PXYLP1: variants seen among roughly 807,000 people sequenced by gnomAD.
PXYLP1 encodes the protein 2-phosphoxylose phosphatase 1.
In PXYLP1, 17 loss-of-function variants were observed where a neutral mutation model predicts 37.9. That is an observed-to-expected ratio of 0.45 (90% confidence interval 0.31 to 0.67). The LOEUF is 0.67. Among genes scored for constraint, PXYLP1 ranks in the 30% least tolerant of loss-of-function variants. PXYLP1 has a pLI of 0.07. For missense variants in PXYLP1, 511 were observed against 612.0 expected, an observed-to-expected ratio of 0.84 and a Z score of 1.74; for synonymous variants, 221 against 232.2, an observed-to-expected ratio of 0.95 and a Z score of 0.44.
chr3:141,288,309 AG>A (rs1444174932), intron 5 of PXYLP1, among the ~76,000 whole-genome samples: 5 of 152,218 alleles, frequency 3.3e-5, no homozygotes, highest in African/African-American at 1.2e-4. Context: ...ATCTTGCATC[AG>A]CATCTTAGGA....
chr3:141,283,263 T>C (rs1252657069), intron 4 of PXYLP1, among the ~76,000 whole-genome samples: 1 of 152,028 alleles, frequency 6.6e-6, no homozygotes, highest in African/African-American at 2.4e-5. Flanking sequence ...ATTACAGGTG[T>C]GAGCCACCCT....
At chr3:141,255,413 A>T (rs1559884157) in intron 1 of PXYLP1, among the ~76,000 whole-genome samples, 1 of 152,272 alleles carries the variant, frequency 6.6e-6, no homozygotes, top group Non-Finnish European at 1.5e-5. Context: ...GGATTTGGTC[A>T]TGATGCCATG....
chr3:141,264,130 C>T (rs1325696630), intron 2 of PXYLP1, among the ~76,000 whole-genome samples: 3 of 151,298 alleles, frequency 2.0e-5, no homozygotes, highest in Non-Finnish European at 2.9e-5. Flanking sequence ...AGAGCAGAGT[C>T]GAAGGAAATG....
chr3:141,245,143 A>G (rs11928469), intron 1 of PXYLP1, among the ~76,000 whole-genome samples: 2,669 of 138,972 alleles, frequency 0.019, 93 homozygotes, highest in African/African-American at 0.067. Context: ...TCTGTCCCCC[A>G]GGTTCAAGCA....
Position 141,292,864 on chromosome 3 carries a change from A to G in PXYLP1, c.1102A>G (p.Lys368Glu). The G allele has an allele frequency of 6.2e-7, 1 of 1,614,154 alleles. No individual in the cohort carries two copies. The highest frequency in any genetic ancestry group is 1.1e-5 in the South Asian group (1 of 91,070). Residue 368 changes from lysine to glutamate, a missense_variant, in exon 6 of 6, where the codon AAA becomes GAA. Lys to Glu is a moderately conservative substitution (Grantham distance 56). Transcript: ENST00000286353. The surrounding 1 kb of genome is among the most constrained non-coding windows in gnomAD (Gnocchi z 4.3). ...GRMQRATEGR[K>E]EELFALYSAH... ...GATGCAGCGTGCCACCGAGGGCAGG[A>G]AAGAAGAGCTCTTTGCCCTCTACTC...
chr3:141,254,311 T>C (rs970826930), intron 1 of PXYLP1, among the ~76,000 whole-genome samples: 1 of 152,226 alleles, frequency 6.6e-6, no homozygotes, highest in Admixed American at 6.5e-5. Flanking sequence ...ACAAAAACTG[T>C]GTCCTGTATC....
At chr3:141,276,696 G>T (rs1467986223) in intron 2 of PXYLP1, among the ~76,000 whole-genome samples, 1 of 152,144 alleles carries the variant, frequency 6.6e-6, no homozygotes, top group Non-Finnish European at 1.5e-5. Context: ...ACGAGATCGG[G>T]GGTAGTGCAC....
At chr3:141,247,503 G>A (rs1576578127) in intron 1 of PXYLP1, among the ~76,000 whole-genome samples, 2 of 152,212 alleles carry the variant, frequency 1.3e-5, no homozygotes. Flanking sequence ...AAGCATAGAT[G>A]TCCATCCTGA....
chr3:141,275,896 T>C (rs1323869051), intron 2 of PXYLP1, among the ~76,000 whole-genome samples: 1 of 152,222 alleles, frequency 6.6e-6, no homozygotes, highest in Non-Finnish European at 1.5e-5. Context: ...TAAATACATA[T>C]GCAGTCATGT....
At chr3:141,289,828 A>G (rs1403524893) in intron 5 of PXYLP1, among the ~76,000 whole-genome samples, 2 of 152,172 alleles carry the variant, frequency 1.3e-5, no homozygotes, top group African/African-American at 4.8e-5. Flanking sequence ...TGTGCAGAGA[A>G]CAGGAGGTGA....
intron 1 of PXYLP1, among the ~76,000 whole-genome samples, chr3:141,242,698 T>C (rs1940839386): frequency 6.6e-6 from 1 of 152,248 alleles, no homozygotes; most frequent in Non-Finnish European, 1.5e-5. Flanking sequence ...AATAGTTTGA[T>C]GCTGTTTTTT....
intron 2 of PXYLP1, chr3:141,274,388 G>C: frequency 6.9e-7 from 1 of 1,443,374 alleles, no homozygotes; most frequent in Non-Finnish European, 9.1e-7. Flanking sequence ...CCAGCTTGCT[G>C]ACCCCCATCT....
chr3:141,242,193 C>T (rs531377276), intron 1 of PXYLP1, among the ~76,000 whole-genome samples: 51 of 152,282 alleles, frequency 3.3e-4, no homozygotes, highest in African/African-American at 1.2e-3. Flanking sequence ...TACTCACCCC[C>T]GCCCCAGGCT....
rs1376322927 is a variant in PXYLP1 at position 141,293,072 on chromosome 3, A to C, written c.1310A>C (p.Asp437Ala). 1 of 1,614,030 alleles carries C rather than the reference A, an allele frequency of 6.2e-7. No homozygotes were observed. Among genetic ancestry groups the C allele is most frequent in the African/African-American group, 1.3e-5 (1 of 74,920 alleles). The change falls in exon 6 of 6, where the codon GAC becomes GCC. Residue 437 changes from aspartate (D) to alanine (A), a missense_variant. Coordinates refer to ENST00000286353, the MANE Select transcript of PXYLP1 (RefSeq NM_001037172.3). ...DVTFHTSFCQ[D>A]HHKRSPKPMC... The stretch of plus-strand genomic sequence containing the variant: ...ACATTCCACACCTCTTTCTGCCAAG[A>C]CCACCACAAGCGTTCTCCCAAGCCC...
intron 1 of PXYLP1, among the ~76,000 whole-genome samples, chr3:141,245,673 C>T (rs1357514120): frequency 2.6e-5 from 4 of 152,186 alleles, no homozygotes; most frequent in African/African-American, 9.7e-5. Context: ...ACACCTCCTG[C>T]AGAGAATTGG....
intron 4 of PXYLP1, among the ~76,000 whole-genome samples, chr3:141,281,816 C>A (rs922344439): frequency 6.6e-6 from 1 of 152,052 alleles, no homozygotes; most frequent in African/African-American, 2.4e-5. Flanking sequence ...ACATTGGGGC[C>A]CTCAAAGTTA....
At chr3:141,283,445 G>A (rs1238485309) in intron 4 of PXYLP1, among the ~76,000 whole-genome samples, 1 of 152,148 alleles carries the variant, frequency 6.6e-6, no homozygotes, top group African/African-American at 2.4e-5. Flanking sequence ...GGAAGCACCA[G>A]CATGTGGTAC....
intron 1 of PXYLP1, among the ~76,000 whole-genome samples, chr3:141,252,203 G>C (rs1235242170): frequency 6.6e-6 from 1 of 152,090 alleles, no homozygotes; most frequent in Non-Finnish European, 1.5e-5. Context: ...CTTAAAGCAG[G>C]GCAAAGAACA....
intron 1 of PXYLP1, among the ~76,000 whole-genome samples, chr3:141,252,775 G>A (rs1291687473): frequency 6.6e-6 from 1 of 152,190 alleles, no homozygotes; most frequent in Non-Finnish European, 1.5e-5. Flanking sequence ...TGACAGTGAC[G>A]CAGGTCAAAT....
Sources: allele counts gnomAD v4.1 joint callset (sites outside exome capture counted in the v4.1 genomes callset), GRCh38; gene constraint gnomAD v4.1.1; non-coding constraint Gnocchi (gnomAD v3.1); transcripts MANE v1.5; gene names NCBI Gene and HGNC (gene_info 2026-07-23, HGNC 2026-07-21).